The following PDLIM5 variants were observed in gnomAD, a reference collection of about 807,000 sequenced individuals.
PDLIM5 encodes PDZ and LIM domain protein 5.
PDLIM5 carries 34 observed loss-of-function variants against 64.2 expected under a neutral mutation model. That is an observed-to-expected ratio of 0.53 (90% CI 0.40 to 0.71). The LOEUF (loss-of-function observed/expected upper bound fraction) is 0.71, where lower values mean the gene tolerates loss of function less well. PDLIM5 is among the 30% of genes least tolerant of loss of function. PDLIM5 has a pLI of 0.00. For missense variants in PDLIM5, 683 were observed against 733.6 expected, an observed-to-expected ratio of 0.93 and a Z score of 0.80; for synonymous variants, 253 against 269.1, an observed-to-expected ratio of 0.94 and a Z score of 0.59.
rs1743142500 is a variant in PDLIM5 at position 94,667,712 on chromosome 4, T to G, written c.*3645T>G. ...CTAAAACCTAATCATTTAGTCACAG[T>G]GTAAAAACAAATGGAAATAACAGCT... On this transcript the variant is annotated 3_prime_UTR_variant, in exon 13 of 13. Transcript: ENST00000317968. The G allele has an allele frequency of 6.6e-6, 1 of 152,144 alleles. No homozygotes were observed. Among genetic ancestry groups the G allele is most frequent in the Admixed American group, 6.5e-5 (1 of 15,272 alleles). The allele number at this position is 152,144 out of a possible 1,614,324, so 9.4% of individuals were successfully genotyped here. A position where few individuals can be genotyped will look rare whatever the true frequency, so the allele number is the denominator to read the frequency against.
intron 7 of PDLIM5, among the ~76,000 whole-genome samples, chr4:94,592,138 C>T (rs17021884): frequency 0.038 from 5,758 of 152,114 alleles, 373 homozygotes; most frequent in African/African-American, 0.13. Flanking sequence ...CACAGGCAGC[C>T]TAAGAGTAAT....
At chr4:94,635,900 G>T (rs1476648433) in intron 8 of PDLIM5, among the ~76,000 whole-genome samples, 1 of 152,234 alleles carries the variant, frequency 6.6e-6, no homozygotes, top group Non-Finnish European at 1.5e-5. Context: ...AATAGAGCTT[G>T]TGTAGCTTTG....
At chr4:94,468,025 C>T (rs1724524254) in intron 2 of PDLIM5, among the ~76,000 whole-genome samples, 1 of 152,138 alleles carries the variant, frequency 6.6e-6, no homozygotes, top group African/African-American at 2.4e-5. Flanking sequence ...AACCTAATAC[C>T]TCAGATATGT....
At chr4:94,538,362 G>A (rs956013347) in intron 3 of PDLIM5, among the ~76,000 whole-genome samples, 2 of 152,256 alleles carry the variant, frequency 1.3e-5, no homozygotes, top group East Asian at 1.9e-4. Context: ...AACCAGCAGA[G>A]CCCTTTATCT....
In PDLIM5 at chr4:94,612,013, C is replaced by T. The variant is rs189818628; in HGVS notation, c.921-5991C>T. Among the ~76,000 whole-genome samples, 829 of 152,126 alleles carry T rather than the reference C, an allele frequency of 5.4e-3. 8 individuals carry two copies. Among genetic ancestry groups the T allele is most frequent in the African/African-American group, 0.019 (789 of 41,504 alleles). ...CTGGTGGATCATGAGGTCAGGAGTT[C>T]GAGACCAGCCTAGCCAACATGGTGA... On this transcript the variant is annotated intron_variant, in intron 7 of 12. Transcript: ENST00000317968.
intron 3 of PDLIM5, among the ~76,000 whole-genome samples, chr4:94,559,214 T>C (rs927330139): frequency 6.6e-6 from 1 of 152,234 alleles, no homozygotes; most frequent in Admixed American, 6.5e-5. Context: ...TCCAATTTTA[T>C]TGAACATAGG....
rs756842383 is a variant in PDLIM5 at position 94,640,413 on chromosome 4, C to T, written c.1246C>T (p.Arg416Ter). 1.2e-5 allele frequency: 20 copies of T among 1,608,068 alleles called. No individual in the cohort carries two copies. Among genetic ancestry groups the T allele is most frequent in the Non-Finnish European group, 1.7e-5 (20 of 1,176,798 alleles). Residue 416 changes from arginine (R) to a stop codon, truncating the protein, a stop_gained, in exon 9 of 13, where the codon CGA becomes TGA. Transcript: ENST00000317968. LOFTEE classifies it high-confidence loss of function. The part of the protein sequence containing the change: ...QRAEHIPAGK[R>*]TPMCAHCNQV... The stretch of plus-strand genomic sequence containing the variant: ...AGCTGAGCACATTCCAGCAGGGAAA[C>T]GAACTCCGATGTGCGCCCATTGTAA...
At chr4:94,526,291 A>G (rs1730345023) in intron 3 of PDLIM5, among the ~76,000 whole-genome samples, 1 of 152,228 alleles carries the variant, frequency 6.6e-6, no homozygotes, top group Non-Finnish European at 1.5e-5. Flanking sequence ...CAATTTATGT[A>G]ATCTGCTACT....
intron 7 of PDLIM5, among the ~76,000 whole-genome samples, chr4:94,613,929 T>C (rs566387116): frequency 2.2e-3 from 326 of 151,178 alleles, no homozygotes; most frequent in Non-Finnish European, 4.2e-3. Flanking sequence ...TATTCCTACA[T>C]ATAAAATAAT....
At chr4:94,501,799 T>G (rs1409943364) in intron 2 of PDLIM5, among the ~76,000 whole-genome samples, 1 of 152,158 alleles carries the variant, frequency 6.6e-6, no homozygotes, top group Admixed American at 6.5e-5. Context: ...ACTTCCATCA[T>G]CATTCATCAA....
At chr4:94,546,520 C>T (rs1732332206) in intron 3 of PDLIM5, among the ~76,000 whole-genome samples, 1 of 152,076 alleles carries the variant, frequency 6.6e-6, no homozygotes, top group Non-Finnish European at 1.5e-5. Context: ...TTATTATTTT[C>T]AAGAAGTTCC....
At chr4:94,508,836 G>A (rs184552332) in intron 2 of PDLIM5, among the ~76,000 whole-genome samples, 13 of 152,280 alleles carry the variant, frequency 8.5e-5, no homozygotes, top group African/African-American at 2.9e-4. Context: ...ACTTTTGGCA[G>A]CCTTGCTATC....
At chr4:94,572,426 C>T (rs1444454640) in intron 3 of PDLIM5, among the ~76,000 whole-genome samples, 2 of 152,026 alleles carry the variant, frequency 1.3e-5, no homozygotes, top group African/African-American at 4.8e-5. Context: ...AGCAATTTAC[C>T]TACACTTCTT....
intron 2 of PDLIM5, among the ~76,000 whole-genome samples, chr4:94,458,831 A>G (rs937226018): frequency 6.6e-6 from 1 of 152,140 alleles, no homozygotes; most frequent in African/African-American, 2.4e-5. Context: ...CATCATCTGT[A>G]TTGTATGAAT....
At chr4:94,517,057 G>A (rs944332051) in intron 2 of PDLIM5, among the ~76,000 whole-genome samples, 3 of 152,252 alleles carry the variant, frequency 2.0e-5, no homozygotes, top group Middle Eastern at 3.4e-3. Flanking sequence ...AAGCTTTAAT[G>A]CATATATGCG....
chr4:94,593,102 C>T (rs893387515), intron 7 of PDLIM5, among the ~76,000 whole-genome samples: 4 of 152,052 alleles, frequency 2.6e-5, no homozygotes, highest in South Asian at 2.1e-4. Flanking sequence ...AGTTTCCTAC[C>T]GAAGTTTGAG....
chr4:94,593,547 C>G lies in PDLIM5; in HGVS notation c.920+7103C>G, dbSNP rs562342886. Among the ~76,000 whole-genome samples, 55 of 152,170 alleles carry G rather than the reference C, an allele frequency of 3.6e-4. No homozygotes were observed. The South Asian group carries it at 0.011, about 29-fold the overall frequency. ...AGAGAAAGAGTGAAAGCTCTGGGGT[C>G]TGTTCTTCTCATGAAAGCTCTGGGG... On this transcript the variant is annotated intron_variant, in intron 7 of 12. Coordinates refer to ENST00000317968, the MANE Select transcript of PDLIM5 (RefSeq NM_006457.5).
At chr4:94,570,658 A>G (rs1734728779) in intron 3 of PDLIM5, among the ~76,000 whole-genome samples, 1 of 152,226 alleles carries the variant, frequency 6.6e-6, no homozygotes. Flanking sequence ...TTAGAAAGAC[A>G]TCCTTCTGCA....
intron 8 of PDLIM5, among the ~76,000 whole-genome samples, chr4:94,633,584 C>G (rs1270900071): frequency 2.0e-5 from 3 of 152,120 alleles, no homozygotes; most frequent in Non-Finnish European, 4.4e-5. Flanking sequence ...ACGTCTGGTT[C>G]CCTTTAGTAG....
Sources: allele counts gnomAD v4.1 joint callset (sites outside exome capture counted in the v4.1 genomes callset), GRCh38; gene constraint gnomAD v4.1.1; transcripts MANE v1.5; gene names NCBI Gene and HGNC (gene_info 2026-07-23, HGNC 2026-07-21).